RBM38: variants seen among roughly 807,000 people sequenced by gnomAD.
RBM38 encodes RNA-binding protein 38.
RBM38 carries 11 observed loss-of-function variants against 23.5 expected under a neutral mutation model. The ratio of observed to expected loss-of-function variants is 0.47; its 90% CI spans 0.29 to 0.77. RBM38 has a LOEUF of 0.77. Among genes scored for constraint, RBM38 ranks in the 30% least tolerant of loss-of-function variants. The probability of loss-of-function intolerance (pLI) is 0.08; values close to 1 mark genes in which losing one functional copy is unlikely to be tolerated. For synonymous variants in RBM38, 165 were observed against 166.1 expected (o/e 0.99, Z 0.05); for missense variants, 330 against 351.9 (o/e 0.94, Z 0.50).
intron 3 of RBM38, among the ~76,000 whole-genome samples, chr20:57,395,702 G>T (rs1389005727): frequency 1.3e-5 from 2 of 152,310 alleles, no homozygotes; most frequent in African/African-American, 4.8e-5. Context: ...CTCCAGGGAG[G>T]CAGCGGGGCA....
At chr20:57,399,617 A>G (rs957031866) in intron 3 of RBM38, among the ~76,000 whole-genome samples, 12 of 152,064 alleles carry the variant, frequency 7.9e-5, no homozygotes, top group Non-Finnish European at 1.8e-4. Flanking sequence ...TCAGGTGGAG[A>G]TGCTGTTCCG....
At chr20:57,394,274 T>A (rs2067251790) in intron 3 of RBM38, among the ~76,000 whole-genome samples, 2 of 151,306 alleles carry the variant, frequency 1.3e-5, no homozygotes, top group Non-Finnish European at 3.0e-5. Flanking sequence ...CCTGCCTGAC[T>A]GGGGCAGTGT....
intron 1 of RBM38, chr20:57,392,293 G>A: frequency 3.2e-6 from 2 of 620,196 alleles, no homozygotes; most frequent in East Asian, 4.6e-5. Flanking sequence ...CAAGCATAGC[G>A]TCGCAAACTC....
intron 3 of RBM38, among the ~76,000 whole-genome samples, chr20:57,405,397 T>A (rs1446593841): frequency 2.0e-5 from 3 of 152,102 alleles, no homozygotes; most frequent in Admixed American, 2.0e-4. Context: ...GGATGCAGGG[T>A]GGACAGCAGA....
chr20:57,399,429 G>C (rs2067306008), intron 3 of RBM38, among the ~76,000 whole-genome samples: 1 of 152,218 alleles, frequency 6.6e-6, no homozygotes, highest in Non-Finnish European at 1.5e-5. Context: ...CGGCCCTGGT[G>C]AGATACAGTG....
At chr20:57,404,224 T>C (rs2146217118) in intron 3 of RBM38, among the ~76,000 whole-genome samples, 1 of 152,370 alleles carries the variant, frequency 6.6e-6, no homozygotes, top group East Asian at 1.9e-4. Flanking sequence ...ACTTGTGTTC[T>C]GTGTCCCTGG....
intron 3 of RBM38, among the ~76,000 whole-genome samples, chr20:57,405,598 C>G (rs993875253): frequency 1.3e-5 from 2 of 152,226 alleles, no homozygotes; most frequent in Non-Finnish European, 2.9e-5. Flanking sequence ...AGAAACTTCC[C>G]ACACACTTCC....
At chr20:57,402,648 G>C (rs150647866) in intron 3 of RBM38, among the ~76,000 whole-genome samples, 1 of 152,270 alleles carries the variant, frequency 6.6e-6, no homozygotes, top group Non-Finnish European at 1.5e-5. Context: ...TGTGAGTGGG[G>C]ATGCTGAGGA....
At chr20:57,393,747 C>T (rs2067244943) in intron 3 of RBM38, among the ~76,000 whole-genome samples, 1 of 152,216 alleles carries the variant, frequency 6.6e-6, no homozygotes, top group South Asian at 2.1e-4. Flanking sequence ...CTCCTCTCAC[C>T]TGTTCTAGTG....
chr20:57,405,688 A>G (rs923268577), intron 3 of RBM38, among the ~76,000 whole-genome samples: 1 of 152,172 alleles, frequency 6.6e-6, no homozygotes, highest in Non-Finnish European at 1.5e-5. Context: ...TGCAGGATCC[A>G]CTGAGTGCAC....
chr20:57,407,992 C>G lies in RBM38; in HGVS notation c.*146C>G. ...CTCCGAAGACCGCTCGGGCATTCCG[C>G]CTGCGCCCTGGGACAGCGGAGAGAC... On this transcript the variant is annotated 3_prime_UTR_variant, in exon 4 of 4. Coordinates refer to ENST00000356208, the MANE Select transcript of RBM38 (RefSeq NM_017495.6). This position sits in a 1 kb window ranked among gnomAD's most constrained non-coding sequence, Gnocchi z 4.0. The G allele has an allele frequency of 1.0e-6, 1 of 964,432 alleles. No individual in the cohort carries two copies. Among genetic ancestry groups the G allele is most frequent in the Middle Eastern group, 3.3e-4 (1 of 3,018 alleles). 59.7% of individuals were successfully genotyped at this position (964,432 alleles called of 1,614,324 possible).
In RBM38 at chr20:57,408,827, T is replaced by TC. The variant is rs1288522931; in HGVS notation, c.*985dup. The TC allele has an allele frequency of 2.6e-5, 4 of 152,536 alleles. No individual in the cohort carries two copies. The highest frequency in any genetic ancestry group is 6.5e-5 in the Admixed American group (1 of 15,290). 9.4% of individuals were successfully genotyped at this position (152,536 alleles called of 1,614,324 possible). On this transcript the variant is annotated 3_prime_UTR_variant, in exon 4 of 4. Coordinates refer to ENST00000356208, the MANE Select transcript of RBM38 (RefSeq NM_017495.6). ...TTGACACTCCTCTCCCTTCCCTTCC[T>TC]CCCCAACTCCCCAAACACTGTGGAA...
chr20:57,400,891 G>A (rs1189913836), intron 3 of RBM38, among the ~76,000 whole-genome samples: 1 of 152,176 alleles, frequency 6.6e-6, no homozygotes, highest in African/African-American at 2.4e-5. Context: ...TTACAGCTGG[G>A]CTGTGGCTCT....
rs1440755976 is a variant in RBM38 at position 57,391,426 on chromosome 20, C to T, written c.-156C>T. On this transcript the variant is annotated 5_prime_UTR_variant, in exon 1 of 4. Transcript: ENST00000356208. ...GTCCCCGCAGCGCCGGTCGGGAGCG[C>T]AGCGCGGCGCACGTCGGCGCGCACG... is the stretch of plus-strand genomic sequence containing the variant. 4 of 147,946 alleles carry T rather than the reference C, an allele frequency of 2.7e-5. No individual in the cohort carries two copies. Among genetic ancestry groups the T allele is most frequent in the Non-Finnish European group, 5.9e-5 (4 of 67,270 alleles). The allele number at this position is 147,946 out of a possible 1,614,324, so 9.2% of individuals were successfully genotyped here.
intron 3 of RBM38, among the ~76,000 whole-genome samples, chr20:57,402,034 G>C (rs938713347): frequency 1.3e-5 from 2 of 152,106 alleles, no homozygotes; most frequent in Non-Finnish European, 2.9e-5. Flanking sequence ...TGCAGCCTCC[G>C]CCTCCCGGGT....
chr20:57,404,614 T>G (rs899619841), intron 3 of RBM38, among the ~76,000 whole-genome samples: 9 of 152,164 alleles, frequency 5.9e-5, no homozygotes, highest in African/African-American at 2.2e-4. Context: ...CTCCTCATCC[T>G]TCTCAGTGGG....
intron 3 of RBM38, among the ~76,000 whole-genome samples, chr20:57,405,028 C>G (rs2067367081): frequency 6.6e-6 from 1 of 152,204 alleles, no homozygotes; most frequent in Admixed American, 6.5e-5. Context: ...TTCAGACACT[C>G]AGACTGGCGC....
intron 3 of RBM38, among the ~76,000 whole-genome samples, chr20:57,398,847 C>T (rs748063985): frequency 1.3e-5 from 2 of 152,220 alleles, no homozygotes; most frequent in Non-Finnish European, 2.9e-5. Context: ...CCTCGTTTAG[C>T]CTCAGTTTCA....
chr20:57,392,399 G>A, intron 1 of RBM38: 1 of 1,518,084 alleles, frequency 6.6e-7, no homozygotes, highest in Non-Finnish European at 8.8e-7. Context: ...CCCCGCAGGG[G>A]ATTATTTTTG....
Sources: allele counts gnomAD v4.1 joint callset (sites outside exome capture counted in the v4.1 genomes callset), GRCh38; gene constraint gnomAD v4.1.1; non-coding constraint Gnocchi (gnomAD v3.1); transcripts MANE v1.5; gene names NCBI Gene and HGNC (gene_info 2026-07-23, HGNC 2026-07-21).